The following SLC35F1 variants were observed in gnomAD, a reference collection of about 807,000 sequenced individuals.
The protein encoded by SLC35F1 is chromosome 6 open reading frame 169.
Under a neutral mutation model 48.7 loss-of-function variants are expected in SLC35F1, and 14 were observed. The observed-to-expected ratio is 0.29, with a 90% confidence interval of 0.19 to 0.45. SLC35F1 has a LOEUF of 0.45. Among genes scored for constraint, SLC35F1 ranks in the 20% least tolerant of loss-of-function variants. SLC35F1 has a pLI of 1.00. For missense variants in SLC35F1, 404 were observed against 500.0 expected (o/e 0.81, Z 1.83); for synonymous variants, 190 against 202.2 (o/e 0.94, Z 0.51).
chr6:118,216,818 A>G (rs1431725321), intron 2 of SLC35F1, among the ~76,000 whole-genome samples: 2 of 152,208 alleles, frequency 1.3e-5, no homozygotes, highest in Non-Finnish European at 2.9e-5. Flanking sequence ...GATATATTAC[A>G]GAACTTCAGC....
intron 1 of SLC35F1, among the ~76,000 whole-genome samples, chr6:118,137,485 C>T (rs1256405046): frequency 2.0e-5 from 3 of 152,270 alleles, no homozygotes. Flanking sequence ...CCCCCTCCTA[C>T]TCCCAGTTCA....
chr6:118,000,953 T>G (rs1281465698), intron 1 of SLC35F1, among the ~76,000 whole-genome samples: 4 of 151,862 alleles, frequency 2.6e-5, no homozygotes, highest in Admixed American at 6.6e-5. Context: ...TAAAAGAGGA[T>G]ACAAACAAAT....
At chr6:118,062,739 G>A (rs1015872325) in intron 1 of SLC35F1, among the ~76,000 whole-genome samples, 4 of 151,934 alleles carry the variant, frequency 2.6e-5, no homozygotes, top group African/African-American at 9.7e-5. Flanking sequence ...AAAAACCCTT[G>A]TCTTATAAAA....
At chr6:118,104,781 C>T (rs1436323978) in intron 1 of SLC35F1, among the ~76,000 whole-genome samples, 1 of 152,166 alleles carries the variant, frequency 6.6e-6, no homozygotes, top group Non-Finnish European at 1.5e-5. Flanking sequence ...GTTAAAAAGA[C>T]CTTGAGGCTA....
At chr6:118,276,957 G>C (rs1389323953) in intron 5 of SLC35F1, among the ~76,000 whole-genome samples, 14 of 152,126 alleles carry the variant, frequency 9.2e-5, no homozygotes, top group Admixed American at 9.2e-4. Flanking sequence ...ATGGTCCTCT[G>C]AGCAGCAGCA....
At chr6:118,244,171 A>G (rs1430434802) in intron 3 of SLC35F1, among the ~76,000 whole-genome samples, 2 of 152,202 alleles carry the variant, frequency 1.3e-5, no homozygotes, top group Admixed American at 6.5e-5. Flanking sequence ...TTCCATTACC[A>G]TACCCATTCC....
chr6:118,284,172 C>T (rs377644468), intron 6 of SLC35F1, among the ~76,000 whole-genome samples: 1 of 152,162 alleles, frequency 6.6e-6, no homozygotes, highest in African/African-American at 2.4e-5. Flanking sequence ...CTACCAAACT[C>T]CCCAAAATCC....
At chr6:118,018,708 A>C (rs1777354657) in intron 1 of SLC35F1, among the ~76,000 whole-genome samples, 1 of 152,192 alleles carries the variant, frequency 6.6e-6, no homozygotes, top group Admixed American at 6.5e-5. Flanking sequence ...AATCTCATCC[A>C]AAAACTGCAT....
chr6:117,941,831 T>C (rs975148816), intron 1 of SLC35F1, among the ~76,000 whole-genome samples: 6 of 152,218 alleles, frequency 3.9e-5, no homozygotes, highest in African/African-American at 1.4e-4. Flanking sequence ...CAATCCCCGA[T>C]GTGGGATTCC....
chr6:117,907,389 C>G lies in SLC35F1; in HGVS notation c.-338C>G, dbSNP rs531956926. On this transcript the variant is annotated 5_prime_UTR_variant, in exon 1 of 8. Transcript: ENST00000360388. ...AGAAATCAGGACTCCTTCCCCGGAACCGACCGGCAGCTCCGCGCCCCCGCG... is the reference window on the plus strand; with the variant it reads ...AGAAATCAGGACTCCTTCCCCGGAAGCGACCGGCAGCTCCGCGCCCCCGCG... 1 of 176,696 alleles carries G rather than the reference C, an allele frequency of 5.7e-6. No individual in the cohort carries two copies. The highest frequency in any genetic ancestry group is 1.7e-4 in the South Asian group (1 of 5,886). The allele number at this position is 176,696 out of a possible 1,614,324, so 10.9% of individuals were successfully genotyped here. A position where few individuals can be genotyped will look rare whatever the true frequency, so the allele number is the denominator to read the frequency against.
At chr6:118,002,347 A>G (rs964283837) in intron 1 of SLC35F1, among the ~76,000 whole-genome samples, 11 of 152,132 alleles carry the variant, frequency 7.2e-5, no homozygotes, top group Non-Finnish European at 1.3e-4. Context: ...ATACTATCGC[A>G]AGGACAAAAA....
chr6:118,275,458 G>C lies in SLC35F1; in HGVS notation c.638-1G>C. 1 of 1,609,418 alleles carries C rather than the reference G, an allele frequency of 6.2e-7. No homozygotes were observed. On this transcript the variant is annotated splice_acceptor_variant, in intron 4 of 7. Coordinates refer to ENST00000360388, the MANE Select transcript of SLC35F1 (RefSeq NM_001029858.4). LOFTEE classifies it high-confidence loss of function. ...TGTTTGTTTGTTTGGTTGGTTCCTAGGGGAAAATAAGCTGGTAGGGGACCT... is the reference window on the plus strand; with the variant it reads ...TGTTTGTTTGTTTGGTTGGTTCCTACGGGAAAATAAGCTGGTAGGGGACCT...
intron 1 of SLC35F1, among the ~76,000 whole-genome samples, chr6:117,997,097 A>G (rs1454034684): frequency 6.6e-6 from 1 of 152,186 alleles, no homozygotes; most frequent in Non-Finnish European, 1.5e-5. Context: ...ATGGAGCTGA[A>G]AGCCAAGGCT....
intron 2 of SLC35F1, among the ~76,000 whole-genome samples, chr6:118,228,309 A>AAGTTCTTAC (rs755680110): frequency 6.6e-6 from 1 of 152,106 alleles, no homozygotes; most frequent in Admixed American, 6.5e-5. Context: ...TTCATACTAA[A>AAGTTCTTAC]TGGAATAGTT....
intron 1 of SLC35F1, among the ~76,000 whole-genome samples, chr6:118,064,849 C>A (rs1772591023): frequency 6.6e-6 from 1 of 152,070 alleles, no homozygotes; most frequent in South Asian, 2.1e-4. Context: ...TTATTTTAAT[C>A]TTCCTCAGTA....
At chr6:118,126,924 C>G (rs1773634983) in intron 1 of SLC35F1, among the ~76,000 whole-genome samples, 1 of 152,246 alleles carries the variant, frequency 6.6e-6, no homozygotes, top group Non-Finnish European at 1.5e-5. Context: ...ATGTCGTCTG[C>G]AAACAGGGAC....
At chr6:118,049,702 AAGTC>A (rs1244339236) in intron 1 of SLC35F1, among the ~76,000 whole-genome samples, 1 of 152,026 alleles carries the variant, frequency 6.6e-6, no homozygotes, top group African/African-American at 2.4e-5. Context: ...GATCATTAAA[AAGTC>A]AGGAAACAAC....
chr6:118,006,624 A>T (rs9385027), intron 1 of SLC35F1, among the ~76,000 whole-genome samples: 36,233 of 152,034 alleles, frequency 0.24, 4,456 homozygotes, highest in East Asian at 0.3. Context: ...GTCTCTAAAA[A>T]TAACTAAATT....
At chr6:117,930,727 C>T (rs756453448) in intron 1 of SLC35F1, among the ~76,000 whole-genome samples, 13 of 152,098 alleles carry the variant, frequency 8.5e-5, no homozygotes, top group South Asian at 2.1e-4. Flanking sequence ...TGGCTATTGG[C>T]GGGCAGGCAG....
Sources: gnomAD v4.1 joint callset for allele counts (sites outside exome capture counted in the v4.1 genomes callset) on GRCh38, gnomAD v4.1.1 for gene constraint, MANE v1.5 for transcripts, NCBI Gene and HGNC (gene_info 2026-07-23, HGNC 2026-07-21) for gene names.